Variants in PAPPA observed in about 807,000 individuals in gnomAD.
PAPPA encodes pappalysin 1.
In PAPPA, 60 loss-of-function variants were observed where a neutral mutation model predicts 164.0. The observed-to-expected ratio is 0.37, with a 90% CI of 0.30 to 0.45. PAPPA has a LOEUF of 0.45. Among genes scored for constraint, PAPPA ranks in the 20% least tolerant of loss-of-function variants. The pLI, the probability that PAPPA is intolerant of heterozygous loss-of-function variation, is 1.00. For synonymous variants in PAPPA, 875 were observed against 814.1 expected, an observed-to-expected ratio of 1.07 and a Z score of -1.27; for missense variants, 1,782 against 2,087.3, an observed-to-expected ratio of 0.85 and a Z score of 2.85.
chr9:116,167,607 C>G (rs1843731834), intron 1 of PAPPA, among the ~76,000 whole-genome samples: 1 of 152,162 alleles, frequency 6.6e-6, no homozygotes, highest in Non-Finnish European at 1.5e-5. Context: ...GGCCCTGATG[C>G]ATTCTCAGGC....
chr9:116,285,142 C>CTTTTTTT (rs1845317399), intron 9 of PAPPA, among the ~76,000 whole-genome samples: 1 of 131,180 alleles, frequency 7.6e-6, no homozygotes. Flanking sequence ...TTTCTTTTTT[C>CTTTTTTT]TTTCTTTTTC....
Position 116,154,460 on chromosome 9 carries a change from G to T in PAPPA, c.288G>T (p.Ala96=). 1 of 1,285,828 alleles carries T rather than the reference G, an allele frequency of 7.8e-7. No individual in the cohort carries two copies. The highest frequency in any genetic ancestry group is 9.8e-7 in the Non-Finnish European group (1 of 1,017,392). 79.7% of individuals were successfully genotyped at this position (1,285,828 alleles called of 1,614,324 possible). Residue 96 remains alanine, a synonymous_variant, in exon 1 of 22, where the codon GCG becomes GCT. Transcript: ENST00000328252. The surrounding 1 kb of genome is among the most constrained non-coding windows in gnomAD (Gnocchi z 5.2). ...AGGAGCCGAGCCCGCCGAGCCGGGC[G>T]CTCTATTTCAGCGGGCGAGGCGAGC... is the stretch of plus-strand genomic sequence containing the variant. ...ATEEPSPPSR[A]LYFSGRGEQL...
chr9:116,384,736 T>C (rs1317792334), intron 21 of PAPPA, among the ~76,000 whole-genome samples: 1 of 152,222 alleles, frequency 6.6e-6, no homozygotes, highest in Non-Finnish European at 1.5e-5. Flanking sequence ...TTAAGGCTCC[T>C]GATACCTGTT....
chr9:116,391,877 T>C (rs1295110630), intron 21 of PAPPA, among the ~76,000 whole-genome samples: 2 of 152,156 alleles, frequency 1.3e-5, no homozygotes, highest in Non-Finnish European at 2.9e-5. Context: ...GGTGGGGAGC[T>C]GCTTGGGGAG....
At chr9:116,254,699 G>A (rs1000430106) in intron 7 of PAPPA, among the ~76,000 whole-genome samples, 14 of 150,404 alleles carry the variant, frequency 9.3e-5, no homozygotes, top group South Asian at 2.1e-4. Flanking sequence ...GGAGAATGGC[G>A]TGAACCTGGG....
intron 8 of PAPPA, among the ~76,000 whole-genome samples, chr9:116,270,267 A>G (rs1845121392): frequency 1.3e-5 from 2 of 152,214 alleles, no homozygotes; most frequent in African/African-American, 4.8e-5. Context: ...AGCACATGAG[A>G]AAACTGAAGT....
At chr9:116,253,606 C>T (rs960279512) in intron 7 of PAPPA, among the ~76,000 whole-genome samples, 7 of 152,056 alleles carry the variant, frequency 4.6e-5, no homozygotes, top group Non-Finnish European at 7.4e-5. Flanking sequence ...ACCTCTCAGT[C>T]AACAGAAATA....
chr9:116,242,847 G>A (rs139150570), intron 7 of PAPPA, among the ~76,000 whole-genome samples: 1,742 of 152,160 alleles, frequency 0.011, 42 homozygotes, highest in African/African-American at 0.041. Flanking sequence ...TAATGAAAGT[G>A]TTTTTTCTTT....
intron 9 of PAPPA, among the ~76,000 whole-genome samples, chr9:116,292,256 T>C (rs1845445881): frequency 6.6e-6 from 1 of 152,196 alleles, no homozygotes; most frequent in Non-Finnish European, 1.5e-5. Context: ...ATGAGGGGCA[T>C]GGCATGGCGT....
chr9:116,226,713 C>T (rs1224036203), intron 5 of PAPPA, among the ~76,000 whole-genome samples: 1 of 152,120 alleles, frequency 6.6e-6, no homozygotes, highest in African/African-American at 2.4e-5. Flanking sequence ...GACTCTATAG[C>T]CAAAGGAAGA....
At chr9:116,240,288 A>T (rs774523228) in intron 7 of PAPPA, among the ~76,000 whole-genome samples, 2 of 152,200 alleles carry the variant, frequency 1.3e-5, no homozygotes, top group Non-Finnish European at 2.9e-5. Flanking sequence ...ATGGGAAAAG[A>T]GAGGGACAGG....
Position 116,401,154 on chromosome 9 carries a change from T to C in PAPPA, c.*4538T>C, listed in dbSNP as rs1394082943. ...GTCCACCTTAAAAGAGAGACCTGTA[T>C]TGGAGAATATTTTATTTTTTTGGCA... On this transcript the variant is annotated 3_prime_UTR_variant, in exon 22 of 22. Transcript: ENST00000328252. 1.3e-5 allele frequency: 2 copies of C among 152,642 alleles called. No individual in the cohort carries two copies. Among genetic ancestry groups the C allele is most frequent in the Admixed American group, 6.5e-5 (1 of 15,272 alleles). The allele number at this position is 152,642 out of a possible 1,614,324, so 9.5% of individuals were successfully genotyped here.
At chr9:116,255,682 C>G (rs1217995751) in intron 7 of PAPPA, among the ~76,000 whole-genome samples, 1 of 151,878 alleles carries the variant, frequency 6.6e-6, no homozygotes, top group Non-Finnish European at 1.5e-5. Flanking sequence ...AGAGATGTGG[C>G]TTTGCAACTC....
At chr9:116,185,735 G>A (rs935993950) in intron 1 of PAPPA, among the ~76,000 whole-genome samples, 1 of 152,216 alleles carries the variant, frequency 6.6e-6, no homozygotes, top group African/African-American at 2.4e-5. Context: ...ATGGGGGTTG[G>A]TGAGCATAAA....
At chr9:116,281,253 T>C (rs1845262873) in intron 9 of PAPPA, among the ~76,000 whole-genome samples, 1 of 152,130 alleles carries the variant, frequency 6.6e-6, no homozygotes, top group African/African-American at 2.4e-5. Flanking sequence ...TAGAGATGAC[T>C]GTGTAAGCGG....
rs1845140381 is a variant in PAPPA at position 116,271,738 on chromosome 9, T to C, written c.2953+322T>C. On this transcript the variant is annotated intron_variant, in intron 9 of 21. Coordinates refer to ENST00000328252, the MANE Select transcript of PAPPA (RefSeq NM_002581.5). The surrounding 1 kb of genome is among the most constrained non-coding windows in gnomAD (Gnocchi z 4.2). ...ACTAACTGTCCAGGATGGGTATTAC[T>C]GGAGATGTTTTAAGGCTTTTATTCC... 6.6e-6 allele frequency among the ~76,000 whole-genome samples: 1 copy of C among 152,218 alleles called. No homozygotes were observed. Among genetic ancestry groups the C allele is most frequent in the Middle Eastern group, 3.2e-3 (1 of 316 alleles).
Position 116,154,914 on chromosome 9 carries a change from TC to T in PAPPA, c.415+328del, listed in dbSNP as rs1405643540. Reference sequence around the variant, plus strand: ...GTGCTCCGAATGGTCAGATGCACTCTCTCCTTTTGGGATGAAAGGGAGGATG... The same window carrying T: ...GTGCTCCGAATGGTCAGATGCACTCTTCCTTTTGGGATGAAAGGGAGGATG... On this transcript the variant is annotated intron_variant, in intron 1 of 21. Coordinates refer to ENST00000328252, the MANE Select transcript of PAPPA (RefSeq NM_002581.5). This position sits in a 1 kb window ranked among gnomAD's most constrained non-coding sequence, Gnocchi z 5.2. Among the ~76,000 whole-genome samples, 3 of 152,154 alleles carry T rather than the reference TC, an allele frequency of 2.0e-5. No homozygotes were observed. The highest frequency in any genetic ancestry group is 2.0e-4 in the Admixed American group (3 of 15,284).
intron 3 of PAPPA, among the ~76,000 whole-genome samples, chr9:116,209,188 T>G (rs1587953060): frequency 6.6e-6 from 1 of 152,254 alleles, no homozygotes; most frequent in East Asian, 1.9e-4. Context: ...TTAGGCAAAC[T>G]TGAAGATGAT....
intron 6 of PAPPA, among the ~76,000 whole-genome samples, chr9:116,230,242 A>G (rs1351770305): frequency 1.1e-4 from 17 of 152,174 alleles, no homozygotes; most frequent in Admixed American, 1.1e-3. Flanking sequence ...CCCTTTTAAT[A>G]TCCTTGAAGA....
Sources: allele counts gnomAD v4.1 joint callset (sites outside exome capture counted in the v4.1 genomes callset), GRCh38; gene constraint gnomAD v4.1.1; non-coding constraint Gnocchi (gnomAD v3.1); transcripts MANE v1.5; gene names NCBI Gene and HGNC (gene_info 2026-07-23, HGNC 2026-07-21).